The following CLIC4 variants were observed in gnomAD, a reference collection of about 807,000 sequenced individuals.
CLIC4 encodes CLIC family member 4, also known as chloride intracellular channel protein 4.
Under a neutral mutation model 24.6 loss-of-function variants are expected in CLIC4, and 13 were observed. The observed-to-expected ratio is 0.53, with a 90% CI of 0.34 to 0.84. The LOEUF is 0.84. Ranked by LOEUF, CLIC4 falls within the 40% of genes least tolerant of loss-of-function variation. CLIC4 has a pLI of 0.01. For synonymous variants in CLIC4, 104 were observed against 111.3 expected, an observed-to-expected ratio of 0.93 and a Z score of 0.41; for missense variants, 227 against 301.7, an observed-to-expected ratio of 0.75 and a Z score of 1.83.
Position 24,842,622 on chromosome 1 carries a change from A to G in CLIC4, c.*1685A>G, listed in dbSNP as rs927451135. On this transcript the variant is annotated 3_prime_UTR_variant, in exon 6 of 6. Coordinates refer to ENST00000374379, the MANE Select transcript of CLIC4 (RefSeq NM_013943.3). ...ATAAGAAAATCTCCATGTTGTATCC[A>G]TTTGGCTCAGGAAGATTCTTTGCCT... is the stretch of plus-strand genomic sequence containing the variant. 6.6e-6 allele frequency: 1 copy of G among 152,094 alleles called. No homozygotes were observed. Among genetic ancestry groups the G allele is most frequent in the African/African-American group, 2.4e-5 (1 of 41,410 alleles). The allele number at this position is 152,094 out of a possible 1,614,324, so 9.4% of individuals were successfully genotyped here.
rs2124183618 is a variant in CLIC4 at position 24,844,300 on chromosome 1, TAAAC to T, written c.*3366_*3369del. 1 of 152,698 alleles carries T rather than the reference TAAAC, an allele frequency of 6.5e-6. No individual in the cohort carries two copies. Among genetic ancestry groups the T allele is most frequent in the Admixed American group, 6.5e-5 (1 of 15,296 alleles). 9.5% of individuals were successfully genotyped at this position (152,698 alleles called of 1,614,324 possible). ...ATTCTTTTTTCCCCCCTCATGAAAA[TAAAC>T]AACAACTTGGGGTAAAAGTGTTTGA... On this transcript the variant is annotated 3_prime_UTR_variant, in exon 6 of 6. Coordinates refer to ENST00000374379, the MANE Select transcript of CLIC4 (RefSeq NM_013943.3).
chr1:24,762,405 G>A (rs1194984261), intron 1 of CLIC4, among the ~76,000 whole-genome samples: 2 of 152,162 alleles, frequency 1.3e-5, no homozygotes, highest in African/African-American at 4.8e-5. Flanking sequence ...TGATGACGGA[G>A]TGAGACTCTC....
chr1:24,793,887 G>A (rs1639368327), intron 1 of CLIC4, among the ~76,000 whole-genome samples: 1 of 152,062 alleles, frequency 6.6e-6, no homozygotes. Context: ...AAATGCTTCT[G>A]AATTTTTTGA....
rs1639135824 is a variant in CLIC4 at position 24,775,943 on chromosome 1, T to G, written c.73-21799T>G. Among the ~76,000 whole-genome samples the G allele has an allele frequency of 2.6e-5, 4 of 152,208 alleles. No homozygotes were observed. The South Asian group carries it at 8.3e-4, about 32-fold the overall frequency. ...TAAATGATAATTTATATATATAAAT[T>G]TTGTTATGCCCGTCTTAAAAGCATT... On this transcript the variant is annotated intron_variant, in intron 1 of 5. Transcript: ENST00000374379.
At chr1:24,839,059 A>G (rs185625421) in intron 4 of CLIC4, among the ~76,000 whole-genome samples, 1 of 152,286 alleles carries the variant, frequency 6.6e-6, no homozygotes, top group African/African-American at 2.4e-5. Context: ...ATTATAAGAC[A>G]GTTTTGAAAA....
intron 1 of CLIC4, among the ~76,000 whole-genome samples, chr1:24,787,382 A>G (rs1404342337): frequency 4.6e-5 from 7 of 152,068 alleles, no homozygotes; most frequent in African/African-American, 1.7e-4. Flanking sequence ...AATCTTCTTC[A>G]GCATGTATAT....
At chr1:24,832,243 A>T in intron 4 of CLIC4, among the ~76,000 whole-genome samples, 1 of 1,244 alleles carries the variant, frequency 8.0e-4, no homozygotes, top group African/African-American at 8.2e-4. Flanking sequence ...TCTTTTGAGC[A>T]GTAACGTTTT....
intron 1 of CLIC4, among the ~76,000 whole-genome samples, chr1:24,752,408 G>A (rs908518454): frequency 3.9e-5 from 6 of 152,090 alleles, no homozygotes; most frequent in Admixed American, 1.3e-4. Flanking sequence ...TAAGGGACCC[G>A]GGCTCTTTCT....
intron 3 of CLIC4, among the ~76,000 whole-genome samples, chr1:24,822,119 CTG>C (rs1168942235): frequency 3.3e-5 from 5 of 152,122 alleles, no homozygotes; most frequent in Non-Finnish European, 7.4e-5. Flanking sequence ...CTTCAAAAAT[CTG>C]TGTTTCATCT....
Position 24,813,553 on chromosome 1 carries a change from G to T in CLIC4, c.183-541G>T, listed in dbSNP as rs962505026. On this transcript the variant is annotated intron_variant, in intron 2 of 5. Coordinates refer to ENST00000374379, the MANE Select transcript of CLIC4 (RefSeq NM_013943.3). ...CCTTCCTCAGCCTCCCAAGTAGCTG[G>T]AACTACAGGTGCGCACCACCATGCC... 5.8e-4 allele frequency among the ~76,000 whole-genome samples: 88 copies of T among 151,410 alleles called. 1 individual carries two copies. The highest frequency in any genetic ancestry group is 2.1e-3 in the African/African-American group (86 of 41,144).
chr1:24,800,626 C>A (rs1277826027), intron 2 of CLIC4, among the ~76,000 whole-genome samples: 3 of 152,100 alleles, frequency 2.0e-5, no homozygotes, highest in African/African-American at 7.2e-5. Context: ...AATAGAAAGG[C>A]GGGAAAGGTG....
At chr1:24,811,471 TTTG>T (rs879277492) in intron 2 of CLIC4, among the ~76,000 whole-genome samples, 5 of 149,344 alleles carry the variant, frequency 3.3e-5, no homozygotes, top group South Asian at 2.1e-4. Flanking sequence ...TTTGTTTTGG[TTTG>T]TTGTTGTTGT....
chr1:24,805,112 AACAAAG>A lies in CLIC4; in HGVS notation c.182+7267_182+7272del, dbSNP rs1253539752. Among the ~76,000 whole-genome samples the A allele has an allele frequency of 6.6e-5, 10 of 151,544 alleles. No individual in the cohort carries two copies. The East Asian group carries it at 1.9e-3, about 29-fold the overall frequency. On this transcript the variant is annotated intron_variant, in intron 2 of 5. Coordinates refer to ENST00000374379, the MANE Select transcript of CLIC4 (RefSeq NM_013943.3). ...AAAAAAAAAAAAAAAAAAACACAAAAACAAAGACAAACGAATTATGGAATCCATATT... is the reference window on the plus strand; with the variant it reads ...AAAAAAAAAAAAAAAAAAACACAAAAACAAACGAATTATGGAATCCATATT...
chr1:24,803,800 G>A (rs568739003), intron 2 of CLIC4, among the ~76,000 whole-genome samples: 31 of 152,214 alleles, frequency 2.0e-4, no homozygotes, highest in Non-Finnish European at 4.3e-4. Flanking sequence ...GTGAGACCTA[G>A]CTGTGTATGG....
intron 1 of CLIC4, among the ~76,000 whole-genome samples, chr1:24,787,547 T>A (rs1177274959): frequency 1.3e-5 from 2 of 151,724 alleles, no homozygotes; most frequent in Admixed American, 1.3e-4. Flanking sequence ...ATTTTTTTCT[T>A]TTTTTTTGAT....
chr1:24,822,230 A>T (rs1222562767), intron 3 of CLIC4, among the ~76,000 whole-genome samples: 1 of 152,158 alleles, frequency 6.6e-6, no homozygotes, highest in Non-Finnish European at 1.5e-5. Context: ...TGAGTACAAA[A>T]TTGAAAGCTA....
intron 3 of CLIC4, among the ~76,000 whole-genome samples, chr1:24,823,773 T>C (rs949354799): frequency 2.1e-4 from 5 of 24,008 alleles, no homozygotes; most frequent in African/African-American, 5.5e-4. Flanking sequence ...AAACTCTGTC[T>C]CAAAAAAAAA....
chr1:24,775,224 CTTTTT>C, intron 1 of CLIC4, among the ~76,000 whole-genome samples: 20 of 90,662 alleles, frequency 2.2e-4, no homozygotes, highest in Admixed American at 4.0e-4. Context: ...TTCTTTCTTT[CTTTTT>C]TTTTTTTTTT....
chr1:24,771,393 T>G (rs1199738610), intron 1 of CLIC4, among the ~76,000 whole-genome samples: 2 of 152,216 alleles, frequency 1.3e-5, no homozygotes, highest in African/African-American at 4.8e-5. Flanking sequence ...ATTACATTTT[T>G]GTTCCAGGCT....
Sources: allele counts gnomAD v4.1 joint callset (sites outside exome capture counted in the v4.1 genomes callset), GRCh38; gene constraint gnomAD v4.1.1; transcripts MANE v1.5; gene names NCBI Gene and HGNC (gene_info 2026-07-23, HGNC 2026-07-21).